Variants in ERBB4 observed in about 807,000 individuals in gnomAD.
ERBB4 encodes receptor tyrosine-protein kinase erbB-4.
Under a neutral mutation model 158.0 loss-of-function variants are expected in ERBB4, and 42 were observed. The ratio of observed to expected loss-of-function variants is 0.27; its 90% confidence interval spans 0.21 to 0.34. The LOEUF is 0.34. Among genes scored for constraint, ERBB4 ranks in the 10% least tolerant of loss-of-function variants. ERBB4 has a pLI of 1.00. For synonymous variants in ERBB4, 583 were observed against 558.7 expected (o/e 1.04, Z -0.61); for missense variants, 1,333 against 1,624.1 (o/e 0.82, Z 3.08).
intron 3 of ERBB4, among the ~76,000 whole-genome samples, chr2:211,903,364 C>A (rs2079290423): frequency 6.6e-6 from 1 of 151,876 alleles, no homozygotes; most frequent in Non-Finnish European, 1.5e-5. Context: ...TTGACTTAAT[C>A]CCTGGAAAAT....
intron 1 of ERBB4, among the ~76,000 whole-genome samples, chr2:212,130,665 A>T (rs1273066512): frequency 1.3e-5 from 2 of 152,196 alleles, no homozygotes; most frequent in Non-Finnish European, 2.9e-5. Flanking sequence ...TAACTCTCAG[A>T]TCAAATGCCT....
At chr2:211,393,585 C>T (rs1298528011) in intron 25 of ERBB4, among the ~76,000 whole-genome samples, 2 of 152,112 alleles carry the variant, frequency 1.3e-5, no homozygotes, top group Non-Finnish European at 2.9e-5. Flanking sequence ...GTGAAAAGAA[C>T]TTAATGACTT....
intron 1 of ERBB4, among the ~76,000 whole-genome samples, chr2:212,263,262 G>A (rs994706612): frequency 1.3e-5 from 2 of 152,008 alleles, no homozygotes; most frequent in Non-Finnish European, 2.9e-5. Context: ...TGGGACTTCT[G>A]GCTTCCAGAA....
intron 7 of ERBB4, among the ~76,000 whole-genome samples, chr2:211,719,926 A>G (rs574964502): frequency 1.5e-3 from 224 of 152,038 alleles, no homozygotes; most frequent in African/African-American, 5.2e-3. Context: ...CTCTAAGGAT[A>G]GTCTGTTTAC....
rs73069008 is a variant in ERBB4 at position 212,495,203 on chromosome 2, T to C, written c.82+43246A>G. ...AACATCATCATGTTTGTCAAGATTG[T>C]TTTTTCCTCATTAAAACCTTGTTGA... On this transcript the variant is annotated intron_variant, in intron 1 of 27. Coordinates refer to ENST00000342788, the MANE Select transcript of ERBB4 (RefSeq NM_005235.3). Among the ~76,000 whole-genome samples the C allele has an allele frequency of 5.3e-3, 800 of 152,242 alleles. 4 individuals are homozygous for C. Among genetic ancestry groups the C allele is most frequent in the African/African-American group, 0.017 (722 of 41,548 alleles).
At chr2:212,139,539 GAAT>G (rs1218357519) in intron 1 of ERBB4, among the ~76,000 whole-genome samples, 1 of 151,804 alleles carries the variant, frequency 6.6e-6, no homozygotes, top group Non-Finnish European at 1.5e-5. Flanking sequence ...AAAAAGTAGA[GAAT>G]AATTGATGAT....
At chr2:212,529,827 A>T (rs994427916) in intron 1 of ERBB4, among the ~76,000 whole-genome samples, 2 of 152,198 alleles carry the variant, frequency 1.3e-5, no homozygotes, top group African/African-American at 4.8e-5. Context: ...TATAATTTAA[A>T]GTAAAACTTA....
intron 19 of ERBB4, among the ~76,000 whole-genome samples, chr2:211,568,628 T>A (rs529360316): frequency 6.6e-6 from 1 of 152,190 alleles, no homozygotes; most frequent in South Asian, 2.1e-4. Flanking sequence ...TGCAATACCC[T>A]CCAGCTGAAA....
intron 1 of ERBB4, among the ~76,000 whole-genome samples, chr2:212,402,125 C>T (rs1268456361): frequency 1.3e-5 from 2 of 151,982 alleles, no homozygotes; most frequent in African/African-American, 4.8e-5. Context: ...TATTCTTTAA[C>T]AGGTGAATGG....
chr2:211,934,403 G>A (rs990898652), intron 3 of ERBB4, among the ~76,000 whole-genome samples: 47 of 151,894 alleles, frequency 3.1e-4, no homozygotes, highest in African/African-American at 1.0e-3. Flanking sequence ...AAAGTGGAGT[G>A]GCTATAATGT....
intron 2 of ERBB4, among the ~76,000 whole-genome samples, chr2:211,982,563 C>T (rs560382408): frequency 6.6e-6 from 1 of 152,136 alleles, no homozygotes; most frequent in East Asian, 1.9e-4. Context: ...ACCGCACAGC[C>T]TTGCAAGCCA....
chr2:211,437,398 A>T (rs2063877794), intron 20 of ERBB4, among the ~76,000 whole-genome samples: 1 of 152,212 alleles, frequency 6.6e-6, no homozygotes, highest in Admixed American at 6.5e-5. Flanking sequence ...GAATCAACTC[A>T]TATAAACTGC....
At chr2:211,940,691 A>G (rs1262106334) in intron 3 of ERBB4, among the ~76,000 whole-genome samples, 2 of 152,168 alleles carry the variant, frequency 1.3e-5, no homozygotes, top group African/African-American at 4.8e-5. Context: ...TGAGCAGATC[A>G]TCTTGCCAGT....
intron 16 of ERBB4, among the ~76,000 whole-genome samples, chr2:211,631,606 A>T (rs1295692376): frequency 3.9e-5 from 6 of 152,210 alleles, no homozygotes; most frequent in African/African-American, 9.6e-5. Flanking sequence ...TTCTTAGCTA[A>T]TTTTTTCCTT....
chr2:211,553,205 G>A (rs1176351731), intron 20 of ERBB4, among the ~76,000 whole-genome samples: 4 of 152,120 alleles, frequency 2.6e-5, no homozygotes, highest in East Asian at 3.9e-4. Context: ...CCGACCTCAC[G>A]TGATTCACCC....
chr2:211,571,355 T>C (rs2067724323), intron 19 of ERBB4, among the ~76,000 whole-genome samples: 1 of 152,180 alleles, frequency 6.6e-6, no homozygotes, highest in Non-Finnish European at 1.5e-5. Flanking sequence ...ATGGAATTGA[T>C]TGCAAAGTTT....
At chr2:211,737,522 C>A (rs935182037) in intron 5 of ERBB4, among the ~76,000 whole-genome samples, 11 of 152,268 alleles carry the variant, frequency 7.2e-5, no homozygotes, top group Non-Finnish European at 2.9e-5. Context: ...ACAGGAAGTT[C>A]TCTGGAGATG....
At chr2:212,289,203 T>C (rs1169161477) in intron 1 of ERBB4, among the ~76,000 whole-genome samples, 1 of 152,202 alleles carries the variant, frequency 6.6e-6, no homozygotes, top group Non-Finnish European at 1.5e-5. Context: ...ATCTACTTTT[T>C]TAAAATGAAT....
intron 1 of ERBB4, among the ~76,000 whole-genome samples, chr2:212,473,884 A>G (rs747205296): frequency 6.6e-6 from 1 of 152,256 alleles, no homozygotes; most frequent in Non-Finnish European, 1.5e-5. Flanking sequence ...ATAACCTTTC[A>G]TGACAACATG....
Sources: allele counts gnomAD v4.1 joint callset (sites outside exome capture counted in the v4.1 genomes callset), GRCh38; gene constraint gnomAD v4.1.1; transcripts MANE v1.5; gene names NCBI Gene and HGNC (gene_info 2026-07-23, HGNC 2026-07-21).